FAM161A: variants seen among roughly 807,000 people sequenced by gnomAD.
FAM161A encodes the protein protein FAM161A.
In FAM161A, 57 loss-of-function variants were observed where a neutral mutation model predicts 70.9. That is an observed-to-expected ratio of 0.80 (90% CI 0.65 to 1.00). The LOEUF (loss-of-function observed/expected upper bound fraction) is 1.00, where lower values mean the gene tolerates loss of function less well. FAM161A is among the 50% of genes least tolerant of loss of function. The probability of loss-of-function intolerance (pLI) is 0.00; values close to 1 mark genes in which losing one functional copy is unlikely to be tolerated. For missense variants in FAM161A, 880 were observed against 836.0 expected (o/e 1.05, Z -0.65); for synonymous variants, 299 against 295.7 (o/e 1.01, Z -0.12).
intron 1 of FAM161A, among the ~76,000 whole-genome samples, chr2:61,851,036 G>A (rs537279696): frequency 3.0e-4 from 46 of 152,030 alleles, no homozygotes; most frequent in African/African-American, 1.1e-3. Context: ...CACCACGCCC[G>A]GCTAATTTTG....
intron 1 of FAM161A, among the ~76,000 whole-genome samples, chr2:61,850,784 G>GA (rs966105858): frequency 6.6e-5 from 10 of 151,772 alleles, no homozygotes; most frequent in Non-Finnish European, 1.3e-4. Flanking sequence ...GGAGTCAGAA[G>GA]AAAAACAATA....
the FAM161A span, among the ~76,000 whole-genome samples, chr2:61,813,671 A>G: frequency 2.0e-5 from 3 of 148,272 alleles, no homozygotes; most frequent in South Asian, 6.4e-4. Context: ...GTCAGCTGCA[A>G]TTGTGCCACT....
At chr2:61,811,188 T>C in the FAM161A span, among the ~76,000 whole-genome samples, 1 of 152,116 alleles carries the variant, frequency 6.6e-6, no homozygotes, top group African/African-American at 2.4e-5. Context: ...ATTGGATTAT[T>C]GCAACCATCT....
downstream of FAM161A, among the ~76,000 whole-genome samples, chr2:61,821,280 T>C (rs1274226236): frequency 2.6e-5 from 4 of 152,148 alleles, no homozygotes. Context: ...CTCAAACTCC[T>C]GACCTTGTGA....
At chr2:61,834,524 G>A (rs754161489) in intron 5 of FAM161A, among the ~76,000 whole-genome samples, 6 of 150,836 alleles carry the variant, frequency 4.0e-5, no homozygotes, top group East Asian at 1.9e-4. Flanking sequence ...GTGCAATGAC[G>A]CAATCTCAGC....
At position 61,836,000 on chromosome 2, in the gene FAM161A, T is replaced by C; in HGVS notation, c.1851+10A>G. The C allele has an allele frequency of 6.6e-7, 1 of 1,509,420 alleles. No homozygotes were observed. The highest frequency in any genetic ancestry group is 9.1e-7 in the Non-Finnish European group (1 of 1,095,684). 93.5% of individuals were successfully genotyped at this position (1,509,420 alleles called of 1,614,324 possible). On this transcript the variant is annotated intron_variant, in intron 5 of 6. Coordinates refer to ENST00000404929, the MANE Select transcript of FAM161A (RefSeq NM_001201543.2). The stretch of plus-strand genomic sequence containing the variant: ...ACTGACGATAGCTCTTAAATTCCAA[T>C]AAACACAACCTGAGCAACTCTTTCA...
intron 5 of FAM161A, among the ~76,000 whole-genome samples, chr2:61,828,710 C>G (rs1038917012): frequency 2.6e-5 from 4 of 152,090 alleles, no homozygotes; most frequent in African/African-American, 9.7e-5. Flanking sequence ...ATAAAAGCAC[C>G]AGTGTTGTAA....
chr2:61,835,884 A>C lies in FAM161A; in HGVS notation c.1851+126T>G, dbSNP rs886657710. On this transcript the variant is annotated intron_variant, in intron 5 of 6. Transcript: ENST00000404929. ...TTGGCTGATATGATGAAGCCAACACAAACAACAATAATGTATCTCAACAGT... is the reference window on the plus strand; with the variant it reads ...TTGGCTGATATGATGAAGCCAACACCAACAACAATAATGTATCTCAACAGT... The C allele has an allele frequency of 6.4e-5, 49 of 763,680 alleles. No homozygotes were observed. The African/African-American group carries it at 7.0e-4, about 11-fold the overall frequency. The allele number at this position is 763,680 out of a possible 1,614,324, so 47.3% of individuals were successfully genotyped here.
the FAM161A span, among the ~76,000 whole-genome samples, chr2:61,816,263 C>CT: frequency 6.6e-6 from 1 of 152,118 alleles, no homozygotes; most frequent in Non-Finnish European, 1.5e-5. Flanking sequence ...ACTTTTTTCA[C>CT]TTTATTTATT....
chr2:61,848,702 A>T (rs192194206), intron 1 of FAM161A, among the ~76,000 whole-genome samples: 4 of 145,926 alleles, frequency 2.7e-5, no homozygotes, highest in Non-Finnish European at 6.0e-5. Flanking sequence ...TTTTTCGCTG[A>T]ATTTGTAAAG....
rs542385127 is a variant in FAM161A, at chr2:61,827,377, G to A, written c.1852-119C>T. The A allele has an allele frequency of 9.2e-5, 81 of 882,046 alleles. 1 individual carries two copies. The highest frequency in any genetic ancestry group is 8.2e-4 in the South Asian group (62 of 75,174). The allele number at this position is 882,046 out of a possible 1,614,324, so 54.6% of individuals were successfully genotyped here. On this transcript the variant is annotated intron_variant, in intron 5 of 6. Transcript: ENST00000404929. ...TGTAATCCCAGTGCTTTGGGAGGCC[G>A]AGACGGGTGGATCACGAGGTCAGGA...
intron 2 of FAM161A, 110 bp downstream of exon 2, chr2:61,842,012 G>T: frequency 1.3e-6 from 1 of 768,366 alleles, no homozygotes; most frequent in Non-Finnish European, 2.3e-6. Flanking sequence ...TATATCGTTG[G>T]GAGTACAAAG....
At chr2:61,801,002 C>T in the FAM161A span, among the ~76,000 whole-genome samples, 62 of 150,814 alleles carry the variant, frequency 4.1e-4, no homozygotes, top group African/African-American at 1.5e-3. Context: ...ACCATGTTGG[C>T]CAGGCTGGTC....
chr2:61,800,283 A>G, the FAM161A span, among the ~76,000 whole-genome samples: 1 of 152,206 alleles, frequency 6.6e-6, no homozygotes, highest in Non-Finnish European at 1.5e-5. Context: ...AGGCACAAAA[A>G]TGGAAATACT....
chr2:61,818,574 A>G, the FAM161A span, among the ~76,000 whole-genome samples: 1 of 152,196 alleles, frequency 6.6e-6, no homozygotes, highest in Non-Finnish European at 1.5e-5. Context: ...GGACAATTTG[A>G]GCATAATTTA....
the FAM161A span, among the ~76,000 whole-genome samples, chr2:61,801,801 T>A: frequency 1.3e-5 from 2 of 152,032 alleles, no homozygotes; most frequent in African/African-American, 2.4e-5. Context: ...CCTCAGGTGA[T>A]CCGCCTGCCT....
chr2:61,822,079 A>C (rs541369486), downstream of FAM161A, among the ~76,000 whole-genome samples: 1 of 151,480 alleles, frequency 6.6e-6, no homozygotes, highest in East Asian at 2.0e-4. Flanking sequence ...GAATGTTGGA[A>C]TCTGTGACCC....
At chr2:61,842,677 G>A (rs1345044154) in intron 1 of FAM161A, among the ~76,000 whole-genome samples, 3 of 152,178 alleles carry the variant, frequency 2.0e-5, no homozygotes, top group Non-Finnish European at 2.9e-5. Context: ...CCTTTACAAA[G>A]TATTTCTATA....
chr2:61,820,139 C>T, downstream of FAM161A: 1 of 474,162 alleles, frequency 2.1e-6, no homozygotes, highest in Non-Finnish European at 3.8e-6. Flanking sequence ...TAATAGACAC[C>T]CACCTTCTGT....
Sources: allele counts gnomAD v4.1 joint callset (sites outside exome capture counted in the v4.1 genomes callset), GRCh38; gene constraint gnomAD v4.1.1; transcripts MANE v1.5; gene names NCBI Gene and HGNC (gene_info 2026-07-23, HGNC 2026-07-21).